OARD1: variants seen among roughly 807,000 people sequenced by gnomAD.
OARD1 encodes ADP-ribose glycohydrolase OARD1.
Under a neutral mutation model 19.7 loss-of-function variants are expected in OARD1, and 19 were observed. That is an observed-to-expected ratio of 0.96 (90% CI 0.67 to 1.41). The LOEUF (loss-of-function observed/expected upper bound fraction) is 1.41, where lower values mean the gene tolerates loss of function less well. OARD1 is among the 40% of genes most tolerant of loss of function. OARD1 has a pLI of 0.00. For missense variants in OARD1, 190 were observed against 183.8 expected (o/e 1.03, Z -0.20); for synonymous variants, 70 against 61.8 (o/e 1.13, Z -0.62).
At chr6:41,091,658 G>A (rs768074901) in intron 1 of OARD1, 1 of 1,614,192 alleles carries the variant, frequency 6.2e-7, no homozygotes. Context: ...CACTACCAGT[G>A]GCAGGCAATG....
intron 1 of OARD1, among the ~76,000 whole-genome samples, chr6:41,090,557 G>A (rs1257711693): frequency 6.6e-6 from 1 of 152,188 alleles, no homozygotes; most frequent in East Asian, 1.9e-4. Context: ...TTTTAGGGAA[G>A]AAGTGTTTCT....
intron 1 of OARD1, chr6:41,093,108 T>G (rs752038556): frequency 3.5e-5 from 56 of 1,603,016 alleles, no homozygotes; most frequent in Non-Finnish European, 4.6e-5. Context: ...TTGGGAAGGA[T>G]ATAGGAAAGG....
chr6:41,067,339 A>C lies in OARD1; in HGVS notation c.455T>G (p.Leu152Arg). Residue 152 changes from leucine to arginine, a missense_variant, in exon 6 of 6, where the codon CTC becomes CGC. Transcript: ENST00000424266. ...ATDIKITVYT[L>R] ...ACATCCAAAATGTTCACTGGTTCAG[A>C]GTGTGTACACAGTAATTTTGATGTC... 1 of 1,597,068 alleles carries C rather than the reference A, an allele frequency of 6.3e-7. No individual in the cohort carries two copies. The highest frequency in any genetic ancestry group is 8.6e-7 in the Non-Finnish European group (1 of 1,164,654).
At chr6:41,080,337 T>C (rs1169832192) in intron 1 of OARD1, among the ~76,000 whole-genome samples, 1 of 152,060 alleles carries the variant, frequency 6.6e-6, no homozygotes, top group Non-Finnish European at 1.5e-5. Flanking sequence ...TTTTGGGACA[T>C]GAGAGCATTG....
rs1339655581 is a variant in OARD1 at position 41,065,066 on chromosome 6, A to G, written c.*2269T>C. On this transcript the variant is annotated 3_prime_UTR_variant, in exon 6 of 6. Transcript: ENST00000424266. ...CTCCTTTCCTCAGGCTTCAAGTGTGATAAGTCGTCGGAATTTGACCCAAGA... is the reference window on the plus strand; with the variant it reads ...CTCCTTTCCTCAGGCTTCAAGTGTGGTAAGTCGTCGGAATTTGACCCAAGA... 1 of 152,168 alleles carries G rather than the reference A, an allele frequency of 6.6e-6. No individual in the cohort carries two copies. The highest frequency in any genetic ancestry group is 1.5e-5 in the Non-Finnish European group (1 of 68,028). The allele number at this position is 152,168 out of a possible 1,614,324, so 9.4% of individuals were successfully genotyped here.
In OARD1 at chr6:41,097,365, C is replaced by G. The variant is rs773580466; in HGVS notation, c.-42+348G>C. On this transcript the variant is annotated intron_variant, in intron 1 of 4. Coordinates refer to the OARD1 transcript ENST00000480585. The stretch of plus-strand genomic sequence containing the variant: ...GTCATCTTTGTCTCTAGGATCCAAA[C>G]CAAGCCGATGAAGAAGCAATGACAC... 31 of 1,613,834 alleles carry G rather than the reference C, an allele frequency of 1.9e-5. No individual in the cohort carries two copies. Among genetic ancestry groups the G allele is most frequent in the Non-Finnish European group, 2.1e-5 (25 of 1,179,902 alleles).
chr6:41,097,085 G>A (rs1265380187), intron 1 of OARD1, among the ~76,000 whole-genome samples: 1 of 152,104 alleles, frequency 6.6e-6, no homozygotes, highest in East Asian at 1.9e-4. Context: ...AACAACACAA[G>A]GTTCTTAGGA....
chr6:41,092,548 A>T (rs189332129), intron 1 of OARD1, among the ~76,000 whole-genome samples: 1 of 152,286 alleles, frequency 6.6e-6, no homozygotes, highest in African/African-American at 2.4e-5. Flanking sequence ...TATTTTTATA[A>T]ATATAGGCAT....
At chr6:41,081,681 A>G (rs1305239072) in intron 1 of OARD1, among the ~76,000 whole-genome samples, 3 of 152,216 alleles carry the variant, frequency 2.0e-5, no homozygotes, top group African/African-American at 7.2e-5. Context: ...GCACTTGGCA[A>G]GGTTTATCTA....
chr6:41,093,192 C>T (rs1397862779), intron 1 of OARD1: 37 of 937,762 alleles, frequency 3.9e-5, no homozygotes, highest in Middle Eastern at 3.0e-4. Context: ...AAACAATTGA[C>T]GTTAGATACT....
chr6:41,075,147 TTAAG>T (rs1450725968), upstream of OARD1: 1 of 152,238 alleles, frequency 6.6e-6, no homozygotes, highest in East Asian at 1.9e-4. Flanking sequence ...ATGATAGAGC[TTAAG>T]TAGTCTAAAA....
intron 1 of OARD1, chr6:41,091,388 CT>C: frequency 4.0e-6 from 3 of 757,812 alleles, no homozygotes; most frequent in Non-Finnish European, 6.2e-6. Flanking sequence ...TGGGAGAGTA[CT>C]TTTTCTCCCC....
intron 1 of OARD1, among the ~76,000 whole-genome samples, chr6:41,077,843 C>T (rs1343127047): frequency 6.6e-6 from 1 of 152,174 alleles, no homozygotes; most frequent in African/African-American, 2.4e-5. Flanking sequence ...GCCACAAGTC[C>T]TCTTGCTGTG....
chr6:41,091,786 A>C, intron 1 of OARD1: 1 of 1,405,042 alleles, frequency 7.1e-7, no homozygotes. Flanking sequence ...ACCTCTTGGG[A>C]TTGAGATCGA....
At chr6:41,078,805 G>C (rs1251691620) in intron 1 of OARD1, among the ~76,000 whole-genome samples, 1 of 152,184 alleles carries the variant, frequency 6.6e-6, no homozygotes, top group Non-Finnish European at 1.5e-5. Flanking sequence ...GAAAGGTAAG[G>C]TTGCCAGTAT....
intron 1 of OARD1, among the ~76,000 whole-genome samples, chr6:41,087,249 T>C (rs1452902347): frequency 6.6e-6 from 1 of 152,236 alleles, no homozygotes; most frequent in African/African-American, 2.4e-5. Context: ...AATTATGAGC[T>C]GAGTATTTGG....
intron 4 of OARD1, chr6:41,069,594 A>G: frequency 4.9e-6 from 1 of 202,386 alleles, no homozygotes; most frequent in Non-Finnish European, 9.9e-6. Flanking sequence ...GGACTGTTGA[A>G]GAACCCCACA....
intron 1 of OARD1, among the ~76,000 whole-genome samples, chr6:41,081,596 T>C (rs1239894932): frequency 2.0e-5 from 3 of 152,230 alleles, no homozygotes; most frequent in African/African-American, 7.2e-5. Context: ...TATATACATA[T>C]ACAGACACAC....
chr6:41,070,813 G>A (rs7738684), intron 3 of OARD1: 185,343 of 528,604 alleles, frequency 0.35, 34,053 homozygotes, highest in African/African-American at 0.51. Flanking sequence ...TCTTTGAAGA[G>A]AAAGCAGAAT....
Sources: allele counts gnomAD v4.1 joint callset (sites outside exome capture counted in the v4.1 genomes callset), GRCh38; gene constraint gnomAD v4.1.1; transcripts MANE v1.5; gene names NCBI Gene and HGNC (gene_info 2026-07-23, HGNC 2026-07-21).